KCNIP1: variants seen among roughly 807,000 people sequenced by gnomAD.
KCNIP1 encodes the protein potassium voltage-gated channel interacting protein 1.
Under a neutral mutation model 33.0 loss-of-function variants are expected in KCNIP1, and 18 were observed. That is an observed-to-expected ratio of 0.55 (90% CI 0.38 to 0.81). KCNIP1 has a LOEUF of 0.81. Ranked by LOEUF, KCNIP1 falls within the 30% of genes least tolerant of loss-of-function variation. KCNIP1 has a pLI of 0.00. For missense variants in KCNIP1, 238 were observed against 271.6 expected (o/e 0.88, Z 0.87); for synonymous variants, 93 against 98.3 (o/e 0.95, Z 0.32).
Position 170,615,237 on chromosome 5 carries a change from G to A in KCNIP1, c.62-103521G>A, listed in dbSNP as rs182200863. ...CTCAAAAATCAAAAAACAAAAAAAG[G>A]AAAAAACAGAACATGAAAGCCACTT... On this transcript the variant is annotated intron_variant, in intron 1 of 7. Coordinates refer to ENST00000328939, the MANE Select transcript of KCNIP1 (RefSeq NM_014592.4). 2.6e-5 allele frequency among the ~76,000 whole-genome samples: 4 copies of A among 152,110 alleles called. 1 individual carries two copies. The highest frequency in any genetic ancestry group is 9.6e-5 in the African/African-American group (4 of 41,486).
intron 1 of KCNIP1, among the ~76,000 whole-genome samples, chr5:170,624,073 T>C (rs1208583274): frequency 6.6e-6 from 1 of 152,200 alleles, no homozygotes; most frequent in East Asian, 1.9e-4. Context: ...TCCTCTCAGC[T>C]CCCGGGCCCA....
chr5:170,397,321 C>T (rs531245947), intron 1 of KCNIP1, among the ~76,000 whole-genome samples: 3 of 152,292 alleles, frequency 2.0e-5, no homozygotes, highest in African/African-American at 7.2e-5. Flanking sequence ...GGTAGACAGA[C>T]AAAGAGCTTG....
At chr5:170,505,067 G>T (rs529073062) in intron 1 of KCNIP1, among the ~76,000 whole-genome samples, 1 of 152,280 alleles carries the variant, frequency 6.6e-6, no homozygotes, top group East Asian at 1.9e-4. Flanking sequence ...AGACCTGCGA[G>T]TCCCTTCATC....
intron 1 of KCNIP1, among the ~76,000 whole-genome samples, chr5:170,643,779 A>G (rs6555908): frequency 0.29 from 43,374 of 152,176 alleles, 7,383 homozygotes; most frequent in African/African-American, 0.48. Flanking sequence ...GCAGGCAGCC[A>G]TCAGGGCTCT....
At chr5:170,587,063 C>G (rs80234530) in intron 1 of KCNIP1, among the ~76,000 whole-genome samples, 1 of 152,082 alleles carries the variant, frequency 6.6e-6, no homozygotes, top group Non-Finnish European at 1.5e-5. Flanking sequence ...TGGGATGGAC[C>G]GGGCAGGGTG....
At chr5:170,690,021 G>C (rs1197554303) in intron 1 of KCNIP1, among the ~76,000 whole-genome samples, 1 of 152,210 alleles carries the variant, frequency 6.6e-6, no homozygotes, top group Non-Finnish European at 1.5e-5. Context: ...ACAAAGGGGA[G>C]ATGGGAGGAG....
At chr5:170,542,068 G>A (rs1038817709) in intron 1 of KCNIP1, among the ~76,000 whole-genome samples, 2 of 152,054 alleles carry the variant, frequency 1.3e-5, no homozygotes, top group African/African-American at 4.8e-5. Flanking sequence ...TTGCACCCGG[G>A]CTCCTAGCCA....
At chr5:170,635,962 C>T (rs1038889021) in intron 1 of KCNIP1, among the ~76,000 whole-genome samples, 8 of 152,186 alleles carry the variant, frequency 5.3e-5, no homozygotes, top group African/African-American at 1.9e-4. Context: ...GAAGGTCAAG[C>T]CAACAGGACT....
intron 1 of KCNIP1, among the ~76,000 whole-genome samples, chr5:170,395,780 C>T (rs1207729218): frequency 1.3e-5 from 2 of 152,272 alleles, no homozygotes; most frequent in Non-Finnish European, 2.9e-5. Context: ...TTGTGGGACT[C>T]AGAACACAAG....
At chr5:170,412,012 C>T (rs2113408097) in intron 1 of KCNIP1, among the ~76,000 whole-genome samples, 1 of 152,206 alleles carries the variant, frequency 6.6e-6, no homozygotes, top group East Asian at 1.9e-4. Flanking sequence ...ACTAGTTCCC[C>T]CATGCTTAGC....
At chr5:170,568,989 C>T (rs767094346) in intron 1 of KCNIP1, among the ~76,000 whole-genome samples, 11 of 152,242 alleles carry the variant, frequency 7.2e-5, no homozygotes, top group South Asian at 2.1e-4. Context: ...TCTGCTGGAT[C>T]GGGATAGCTT....
chr5:170,447,830 T>C (rs1325214063), intron 1 of KCNIP1, among the ~76,000 whole-genome samples: 3 of 151,728 alleles, frequency 2.0e-5, no homozygotes, highest in Non-Finnish European at 2.9e-5. Flanking sequence ...CTGAGACAAG[T>C]TGTCTTGAGT....
intron 1 of KCNIP1, among the ~76,000 whole-genome samples, chr5:170,423,024 T>A (rs1164511987): frequency 2.0e-5 from 3 of 152,128 alleles, no homozygotes; most frequent in Non-Finnish European, 4.4e-5. Flanking sequence ...AGGTGGAAGC[T>A]GCAGTGAGCT....
intron 1 of KCNIP1, among the ~76,000 whole-genome samples, chr5:170,694,406 T>C (rs1762823598): frequency 6.6e-6 from 1 of 152,144 alleles, no homozygotes; most frequent in African/African-American, 2.4e-5. Context: ...AGCTCTCTTT[T>C]GAAGATCTCT....
chr5:170,401,757 C>CAAA (rs201537929), intron 1 of KCNIP1, among the ~76,000 whole-genome samples: 1 of 127,742 alleles, frequency 7.8e-6, no homozygotes, highest in African/African-American at 2.9e-5. Flanking sequence ...GAGACTCTGT[C>CAAA]AAAAAAAAAA....
chr5:170,552,728 G>A (rs758674023), intron 1 of KCNIP1, among the ~76,000 whole-genome samples: 4 of 152,224 alleles, frequency 2.6e-5, no homozygotes, highest in Non-Finnish European at 5.9e-5. Flanking sequence ...ATTCTATCCT[G>A]AGTGCAACTG....
chr5:170,636,668 C>A (rs1760294628), intron 1 of KCNIP1, among the ~76,000 whole-genome samples: 1 of 152,088 alleles, frequency 6.6e-6, no homozygotes, highest in Non-Finnish European at 1.5e-5. Context: ...ACAAATAGTT[C>A]CCCCAAGATC....
chr5:170,701,265 T>C (rs1763091145), intron 1 of KCNIP1, among the ~76,000 whole-genome samples: 1 of 152,160 alleles, frequency 6.6e-6, no homozygotes, highest in African/African-American at 2.4e-5. Context: ...AAACTCTTTC[T>C]TGTATGTGAG....
At chr5:170,654,452 T>G (rs1761181818) in intron 1 of KCNIP1, among the ~76,000 whole-genome samples, 1 of 152,220 alleles carries the variant, frequency 6.6e-6, no homozygotes, top group African/African-American at 2.4e-5. Flanking sequence ...ACTGTAATGC[T>G]GGGTATCCAT....
Sources: allele counts gnomAD v4.1 joint callset (sites outside exome capture counted in the v4.1 genomes callset), GRCh38; gene constraint gnomAD v4.1.1; transcripts MANE v1.5; gene names NCBI Gene and HGNC (gene_info 2026-07-23, HGNC 2026-07-21).